USO1: variants seen among roughly 807,000 people sequenced by gnomAD.
USO1 encodes general vesicular transport factor p115.
In USO1, 57 loss-of-function variants were observed where a neutral mutation model predicts 124.5. The ratio of observed to expected loss-of-function variants is 0.46; its 90% CI spans 0.37 to 0.57. The LOEUF (loss-of-function observed/expected upper bound fraction) is 0.57. Among genes scored for constraint, USO1 ranks in the 20% least tolerant of loss-of-function variants. The probability of loss-of-function intolerance (pLI) is 0.00; values close to 1 mark genes in which losing one functional copy is unlikely to be tolerated. For synonymous variants in USO1, 369 were observed against 362.8 expected, an observed-to-expected ratio of 1.02 and a Z score of -0.19; for missense variants, 900 against 1,040.6, an observed-to-expected ratio of 0.86 and a Z score of 1.86.
At chr4:75,810,359 T>C in intron 21 of USO1, 73 bp from the exon 22 acceptor site, 1 of 1,441,138 alleles carries the variant, frequency 6.9e-7, no homozygotes, top group Non-Finnish European at 9.2e-7. Flanking sequence ...GCAAAAAAAT[T>C]AAATAACCCT....
chr4:75,810,933 G>A (rs559959262), intron 22 of USO1, among the ~76,000 whole-genome samples: 11 of 152,082 alleles, frequency 7.2e-5, no homozygotes, highest in South Asian at 4.2e-4. Flanking sequence ...GTTTCACCAC[G>A]TTGGCCAGGA....
chr4:75,796,717 C>A (rs1722693284), intron 13 of USO1, among the ~76,000 whole-genome samples: 2 of 151,990 alleles, frequency 1.3e-5, no homozygotes, highest in South Asian at 4.2e-4. Context: ...AGAATGCTCT[C>A]AAATTACAGT....
At chr4:75,810,835 A>G (rs1043594759) in intron 22 of USO1, among the ~76,000 whole-genome samples, 2 of 152,014 alleles carry the variant, frequency 1.3e-5, no homozygotes, top group Admixed American at 1.3e-4. Flanking sequence ...GGTTCAAGCA[A>G]TTCTCCCGCC....
intron 8 of USO1, among the ~76,000 whole-genome samples, chr4:75,778,679 A>G (rs1250075774): frequency 6.6e-6 from 1 of 152,210 alleles, no homozygotes; most frequent in Non-Finnish European, 1.5e-5. Context: ...ACTATTCTGT[A>G]TGATACTGTA....
chr4:75,813,557 T>C lies in USO1; in HGVS notation c.*262T>C, dbSNP rs1723210254. 1 of 261,632 alleles carries C rather than the reference T, an allele frequency of 3.8e-6. No individual in the cohort carries two copies. Among genetic ancestry groups the C allele is most frequent in the Non-Finnish European group, 7.1e-6 (1 of 141,744 alleles). 16.2% of individuals were successfully genotyped at this position (261,632 alleles called of 1,614,324 possible). On this transcript the variant is annotated 3_prime_UTR_variant, in exon 24 of 24. Coordinates refer to ENST00000514213, the MANE Select transcript of USO1 (RefSeq NM_003715.4). ...CAAAGAGCTTCAAACACCAAAAATA[T>C]ACCATTTTAAGGCATGTGGTGACAA...
chr4:75,761,361 A>G (rs1191756094), intron 4 of USO1, among the ~76,000 whole-genome samples: 1 of 152,184 alleles, frequency 6.6e-6, no homozygotes, highest in African/African-American at 2.4e-5. Context: ...GCAGTGAGCA[A>G]TGATTGCACC....
At chr4:75,803,984 C>T (rs1399023861) in intron 17 of USO1, 150 bp from the exon 18 acceptor site, 8 of 925,716 alleles carry the variant, frequency 8.6e-6, no homozygotes, top group Middle Eastern at 6.7e-4. Context: ...TATATTAACA[C>T]ACCAAGTTGC....
intron 20 of USO1, 149 bp from the exon 21 acceptor site, chr4:75,808,804 C>A (rs1477593515): frequency 4.7e-6 from 4 of 848,430 alleles, no homozygotes; most frequent in East Asian, 7.3e-5. Context: ...AATTTTCCAT[C>A]TTGAACCCAA....
At chr4:75,789,676 T>C (rs1722471852) in intron 10 of USO1, among the ~76,000 whole-genome samples, 1 of 152,202 alleles carries the variant, frequency 6.6e-6, no homozygotes, top group Non-Finnish European at 1.5e-5. Context: ...ATATTTATCT[T>C]GTATAACATG....
chr4:75,804,510 A>T (rs1722940664), intron 18 of USO1, among the ~76,000 whole-genome samples: 1 of 152,140 alleles, frequency 6.6e-6, no homozygotes, highest in African/African-American at 2.4e-5. Context: ...TTGATTCTCA[A>T]CCCTGGCTGC....
chr4:75,796,341 C>CTTTTTTTTTTTTTTTTTTTTTT lies in USO1; in HGVS notation c.1452+2452_1452+2453insTTTTTTTTTTTTTTTTTTTTTT, dbSNP rs533041107. Reference sequence around the variant, plus strand: ...TAATCCCAGAAAGTTCCATCATGCTCTTTTTTTTTTTTGAGACGGAGTCTC... The same window carrying CTTTTTTTTTTTTTTTTTTTTTT: ...TAATCCCAGAAAGTTCCATCATGCTCTTTTTTTTTTTTTTTTTTTTTTTTTTTTTTTTTTGAGACGGAGTCTC... On this transcript the variant is annotated intron_variant, in intron 13 of 23. Transcript: ENST00000514213. 6.4e-4 allele frequency among the ~76,000 whole-genome samples: 65 copies of CTTTTTTTTTTTTTTTTTTTTTT among 102,066 alleles called. 15 individuals are homozygous for CTTTTTTTTTTTTTTTTTTTTTT. Among genetic ancestry groups the CTTTTTTTTTTTTTTTTTTTTTT allele is most frequent in the East Asian group, 1.2e-3 (3 of 2,602 alleles). 67.0% of individuals were successfully genotyped at this position (102,066 alleles called of 152,430 possible).
At chr4:75,810,965 G>A (rs186008599) in intron 22 of USO1, among the ~76,000 whole-genome samples, 224 of 152,038 alleles carry the variant, frequency 1.5e-3, no homozygotes, top group African/African-American at 5.3e-3. Flanking sequence ...TCTTGACCTC[G>A]TGATCCACCT....
chr4:75,732,061 A>G (rs927150162), intron 1 of USO1, among the ~76,000 whole-genome samples: 1 of 152,186 alleles, frequency 6.6e-6, no homozygotes, highest in Non-Finnish European at 1.5e-5. Context: ...AAGTTGTTAC[A>G]TGGGTAAATT....
chr4:75,751,203 ATTTTATTTTT>A, intron 1 of USO1, among the ~76,000 whole-genome samples: 1 of 149,622 alleles, frequency 6.7e-6, no homozygotes, highest in East Asian at 2.0e-4. Flanking sequence ...ATTTTATTTT[ATTTTATTTTT>A]ATTTATTTAT....
chr4:75,762,734 C>A (rs1270461460), intron 4 of USO1, among the ~76,000 whole-genome samples: 2 of 151,998 alleles, frequency 1.3e-5, no homozygotes, highest in East Asian at 3.9e-4. Context: ...CAAGACCATC[C>A]TGGCTAACAT....
At chr4:75,759,460 C>T (rs547848059) in intron 4 of USO1, among the ~76,000 whole-genome samples, 27 of 149,498 alleles carry the variant, frequency 1.8e-4, no homozygotes, top group African/African-American at 5.9e-4. Context: ...TGGGCGTGGT[C>T]GCACACACCT....
intron 10 of USO1, 93 bp from the exon 11 acceptor site, chr4:75,790,057 A>T (rs1162537238): frequency 7.5e-7 from 1 of 1,333,352 alleles, no homozygotes; most frequent in African/African-American, 1.5e-5. Context: ...TAAAAAAAAA[A>T]ACAAAAAAAA....
At position 75,776,240 on chromosome 4, in the gene USO1, T is replaced by G. The variant is rs79251777; in HGVS notation, c.676+1444T>G. Among the ~76,000 whole-genome samples the G allele has an allele frequency of 2.9e-3, 443 of 152,304 alleles. 3 individuals carry two copies. The highest frequency in any genetic ancestry group is 0.01 in the African/African-American group (429 of 41,564). ...TGGGAGGGTCACAGCTTCAACATGC[T>G]GACTCTAAGGTACATGGGATTGAGA... On this transcript the variant is annotated intron_variant, in intron 8 of 23. Coordinates refer to ENST00000514213, the MANE Select transcript of USO1 (RefSeq NM_003715.4).
At chr4:75,734,489 C>T (rs2149139198) in intron 1 of USO1, among the ~76,000 whole-genome samples, 1 of 152,088 alleles carries the variant, frequency 6.6e-6, no homozygotes, top group East Asian at 1.9e-4. Context: ...TGTTCCATTG[C>T]TCCATGTCTG....
Sources: gnomAD v4.1 joint callset for allele counts (sites outside exome capture counted in the v4.1 genomes callset) on GRCh38, gnomAD v4.1.1 for gene constraint, MANE v1.5 for transcripts, NCBI Gene and HGNC (gene_info 2026-07-23, HGNC 2026-07-21) for gene names.